ERBB4: variants seen among roughly 807,000 people sequenced by gnomAD.
ERBB4 encodes the protein receptor tyrosine-protein kinase erbB-4.
Under a neutral mutation model 158.0 loss-of-function variants are expected in ERBB4, and 42 were observed. That is an observed-to-expected ratio of 0.27 (90% confidence interval 0.21 to 0.34). ERBB4 has a LOEUF of 0.34. ERBB4 is among the 10% of genes least tolerant of loss of function. ERBB4 has a pLI of 1.00. For missense variants in ERBB4, 1,333 were observed against 1,624.1 expected (o/e 0.82, Z 3.08); for synonymous variants, 583 against 558.7 (o/e 1.04, Z -0.61).
At chr2:212,383,435 C>G (rs1413301637) in intron 1 of ERBB4, among the ~76,000 whole-genome samples, 1 of 151,552 alleles carries the variant, frequency 6.6e-6, no homozygotes, top group African/African-American at 2.4e-5. Flanking sequence ...ACAAGAGTAT[C>G]AAACTTTTCC....
At chr2:212,396,099 C>T (rs537507237) in intron 1 of ERBB4, among the ~76,000 whole-genome samples, 6 of 152,190 alleles carry the variant, frequency 3.9e-5, no homozygotes, top group Non-Finnish European at 7.4e-5. Flanking sequence ...GATTTTTAAG[C>T]GTGTGCTCAA....
chr2:211,639,194 T>C (rs775504455), intron 16 of ERBB4, among the ~76,000 whole-genome samples: 4 of 152,182 alleles, frequency 2.6e-5, no homozygotes, highest in Non-Finnish European at 5.9e-5. Context: ...TATATACTGT[T>C]ATCTAGATAG....
chr2:211,818,894 C>T (rs937680575), intron 3 of ERBB4, among the ~76,000 whole-genome samples: 3 of 152,046 alleles, frequency 2.0e-5, no homozygotes, highest in Admixed American at 1.3e-4. Flanking sequence ...CCAATTGAAA[C>T]ATTTTTCAAA....
At chr2:212,161,567 G>C (rs1345666800) in intron 1 of ERBB4, among the ~76,000 whole-genome samples, 1 of 151,722 alleles carries the variant, frequency 6.6e-6, no homozygotes, top group Non-Finnish European at 1.5e-5. Context: ...TACCTCAAAG[G>C]CTTCATATTG....
At chr2:212,409,659 T>C (rs929097021) in intron 1 of ERBB4, among the ~76,000 whole-genome samples, 15 of 152,136 alleles carry the variant, frequency 9.9e-5, no homozygotes, top group African/African-American at 3.6e-4. Context: ...GTTTTGTTTA[T>C]CACATACTCA....
chr2:212,475,439 C>A (rs944441362), intron 1 of ERBB4, among the ~76,000 whole-genome samples: 4 of 152,184 alleles, frequency 2.6e-5, no homozygotes, highest in African/African-American at 4.8e-5. Flanking sequence ...TCTTTGTGTT[C>A]ATTTTCCCTC....
chr2:212,350,506 A>G (rs2089206583), intron 1 of ERBB4, among the ~76,000 whole-genome samples: 1 of 152,176 alleles, frequency 6.6e-6, no homozygotes, highest in African/African-American at 2.4e-5. Flanking sequence ...AATATTTAAA[A>G]CATGTGCCAA....
intron 1 of ERBB4, among the ~76,000 whole-genome samples, chr2:212,374,552 A>G (rs2106395676): frequency 6.6e-6 from 1 of 151,882 alleles, no homozygotes; most frequent in East Asian, 1.9e-4. Flanking sequence ...TCCACATATC[A>G]TTCATGTTTT....
At position 211,839,141 on chromosome 2, in the gene ERBB4, G is replaced by C. The variant is rs527596458; in HGVS notation, c.422-50982C>G. ...ATAAAGAGAGAGAGAGAGGGAGAGA[G>C]GGAGAGAGAGAAGGAGGAGGAGGAG... is the stretch of plus-strand genomic sequence containing the variant. On this transcript the variant is annotated intron_variant, in intron 3 of 27. Coordinates refer to ENST00000342788, the MANE Select transcript of ERBB4 (RefSeq NM_005235.3). Among the ~76,000 whole-genome samples, 6 of 123,812 alleles carry C rather than the reference G, an allele frequency of 4.8e-5. No homozygotes were observed. In the East Asian group the frequency reaches 1.3e-3, roughly 27 times the overall value. The allele number at this position is 123,812 out of a possible 152,430, so 81.2% of individuals were successfully genotyped here.
chr2:212,043,793 C>T (rs2077195637), intron 2 of ERBB4, among the ~76,000 whole-genome samples: 1 of 152,024 alleles, frequency 6.6e-6, no homozygotes, highest in South Asian at 2.1e-4. Context: ...TTTAATCTTC[C>T]TAAGTCTATT....
At chr2:212,281,263 G>A (rs1236995965) in intron 1 of ERBB4, among the ~76,000 whole-genome samples, 2 of 151,644 alleles carry the variant, frequency 1.3e-5, no homozygotes, top group Non-Finnish European at 3.0e-5. Flanking sequence ...TTTCCAAGAT[G>A]TTTAAAGCAC....
chr2:212,121,699 T>C (rs539214551), intron 2 of ERBB4, among the ~76,000 whole-genome samples: 16 of 151,904 alleles, frequency 1.1e-4, no homozygotes, highest in African/African-American at 3.4e-4. Context: ...ATCAACACTA[T>C]ACTATAGATT....
intron 2 of ERBB4, among the ~76,000 whole-genome samples, chr2:212,048,297 G>A (rs943745783): frequency 6.6e-6 from 1 of 152,188 alleles, no homozygotes; most frequent in Non-Finnish European, 1.5e-5. Flanking sequence ...AAGTGGTGGA[G>A]TGATGACACT....
intron 1 of ERBB4, among the ~76,000 whole-genome samples, chr2:212,462,748 C>T (rs1688638672): frequency 6.6e-6 from 1 of 152,050 alleles, no homozygotes; most frequent in African/African-American, 2.4e-5. Context: ...AATTCCACTA[C>T]TGGGTATATA....
chr2:212,098,664 GATAT>G lies in ERBB4; in HGVS notation c.234+26084_234+26087del, dbSNP rs1458381278. 2.0e-5 allele frequency among the ~76,000 whole-genome samples: 3 copies of G among 151,860 alleles called. No individual in the cohort carries two copies. In the East Asian group the frequency reaches 5.8e-4, roughly 29 times the overall value. On this transcript the variant is annotated intron_variant, in intron 2 of 27. Transcript: ENST00000342788. ...TCCAATTAGAAAATTCCCAGTTAGG[GATAT>G]TATATAATATTGTATTATATAATAC...
At chr2:211,783,994 G>C (rs2106308410) in intron 4 of ERBB4, among the ~76,000 whole-genome samples, 1 of 152,164 alleles carries the variant, frequency 6.6e-6, no homozygotes, top group Middle Eastern at 3.4e-3. Context: ...GAATCCATCT[G>C]GTCCTGGACT....
intron 3 of ERBB4, among the ~76,000 whole-genome samples, chr2:211,884,548 G>A (rs1043262559): frequency 6.6e-6 from 1 of 151,920 alleles, no homozygotes; most frequent in Non-Finnish European, 1.5e-5. Context: ...TCTCCTAAAG[G>A]GCCATCCTAC....
At chr2:211,746,376 G>A (rs556044320) in intron 5 of ERBB4, among the ~76,000 whole-genome samples, 12 of 152,310 alleles carry the variant, frequency 7.9e-5, no homozygotes, top group South Asian at 4.1e-4. Flanking sequence ...TAAGCACAGT[G>A]GCCGTTAAGC....
At position 211,998,326 on chromosome 2, in the gene ERBB4, T is replaced by C. The variant is rs111480280; in HGVS notation, c.235-50710A>G. The stretch of plus-strand genomic sequence containing the variant: ...TTCTAGTCTTTAATCAACTGTTGAA[T>C]TTTTTTACAGGGAAAATCTATTGAG... On this transcript the variant is annotated intron_variant, in intron 2 of 27. Coordinates refer to ENST00000342788, the MANE Select transcript of ERBB4 (RefSeq NM_005235.3). 3.1e-3 allele frequency among the ~76,000 whole-genome samples: 464 copies of C among 151,974 alleles called. 3 individuals carry two copies. Among genetic ancestry groups the C allele is most frequent in the African/African-American group, 0.011 (438 of 41,488 alleles).
Sources: gnomAD v4.1 joint callset for allele counts (sites outside exome capture counted in the v4.1 genomes callset) on GRCh38, gnomAD v4.1.1 for gene constraint, MANE v1.5 for transcripts, NCBI Gene and HGNC (gene_info 2026-07-23, HGNC 2026-07-21) for gene names.